Variants in TMEM108 observed in about 807,000 individuals in gnomAD.
TMEM108 encodes transmembrane protein 108.
A neutral mutation model predicts 35.1 loss-of-function variants in TMEM108; 12 were observed. That is an observed-to-expected ratio of 0.34 (90% CI 0.22 to 0.55). The LOEUF (loss-of-function observed/expected upper bound fraction) is 0.55. Ranked by LOEUF, TMEM108 falls within the 20% of genes least tolerant of loss-of-function variation. The pLI is 0.89. For missense variants in TMEM108, 680 were observed against 753.3 expected, an observed-to-expected ratio of 0.90 and a Z score of 1.14; for synonymous variants, 287 against 308.6, an observed-to-expected ratio of 0.93 and a Z score of 0.73.
chr3:133,227,893 C>CA (rs993240750), intron 2 of TMEM108, among the ~76,000 whole-genome samples: 33 of 148,988 alleles, frequency 2.2e-4, no homozygotes, highest in African/African-American at 6.2e-4. Flanking sequence ...GACTTCGTCT[C>CA]AAAAAAAAAC....
chr3:133,154,837 T>G (rs1317515525), intron 2 of TMEM108, among the ~76,000 whole-genome samples: 1 of 152,138 alleles, frequency 6.6e-6, no homozygotes, highest in South Asian at 2.1e-4. Context: ...GTTGTGTACA[T>G]GTACTGTAAA....
At chr3:133,159,683 G>A (rs887212634) in intron 2 of TMEM108, among the ~76,000 whole-genome samples, 8 of 152,114 alleles carry the variant, frequency 5.3e-5, no homozygotes, top group Non-Finnish European at 1.0e-4. Context: ...TGCATTTTGC[G>A]GATGAGGGAG....
chr3:133,144,991 G>T (rs1944696436), intron 2 of TMEM108, among the ~76,000 whole-genome samples: 1 of 152,088 alleles, frequency 6.6e-6, no homozygotes, highest in South Asian at 2.1e-4. Context: ...GTCAATGTTG[G>T]CTTTTGTTGC....
At chr3:133,313,157 C>T (rs1337434280) in intron 3 of TMEM108, among the ~76,000 whole-genome samples, 1 of 151,858 alleles carries the variant, frequency 6.6e-6, no homozygotes, top group Admixed American at 6.5e-5. Context: ...TTTGAAAATA[C>T]ATTTTCAAAA....
chr3:133,295,423 T>C (rs1290157287), intron 3 of TMEM108, among the ~76,000 whole-genome samples: 2 of 152,232 alleles, frequency 1.3e-5, no homozygotes, highest in African/African-American at 4.8e-5. Flanking sequence ...TTTCATTCTC[T>C]GTAATTGGAG....
At position 133,379,967 on chromosome 3, in the gene TMEM108, C is replaced by A; in HGVS notation, c.256C>A (p.Pro86Thr). ...TGCAGCTCCCATGGCAACACCGACA[C>A]CCCGTGCAGAGGGGCACCCTCCTAC... Reference protein sequence around the residue: ...QAAAPMATPTPRAEGHPPTHT... With the variant: ...QAAAPMATPTTRAEGHPPTHT... Residue 86 changes from proline to threonine, a missense_variant, in exon 4 of 6, where the codon CCC (proline) becomes ACC (threonine). By Grantham distance (38) the Pro-to-Thr change is conservative. Transcript: ENST00000321871. 1.2e-6 allele frequency: 2 copies of A among 1,613,982 alleles called. No homozygotes were observed. The highest frequency in any genetic ancestry group is 1.7e-6 in the Non-Finnish European group (2 of 1,179,960).
In TMEM108 at chr3:133,130,696, G is replaced by A. The variant is rs114302027; in HGVS notation, c.-47+84676G>A. 7.0e-3 allele frequency among the ~76,000 whole-genome samples: 1,061 copies of A among 152,294 alleles called. 13 individuals carry two copies. Among genetic ancestry groups the A allele is most frequent in the African/African-American group, 0.024 (988 of 41,550 alleles). On this transcript the variant is annotated intron_variant, in intron 2 of 5. Coordinates refer to ENST00000321871, the MANE Select transcript of TMEM108 (RefSeq NM_023943.4). ...TAGAAATAGATTCCATCTCTTGATA[G>A]GGAAGTGAAAAGTTTCTCACAATCT...
At chr3:133,378,604 G>A in intron 3 of TMEM108, 1 of 943,188 alleles carries the variant, frequency 1.1e-6, no homozygotes, top group Non-Finnish European at 1.3e-6. Context: ...CAGCCGTAGA[G>A]ACAGGCTCTT....
chr3:133,324,385 A>G (rs2071304353), intron 3 of TMEM108, among the ~76,000 whole-genome samples: 1 of 152,250 alleles, frequency 6.6e-6, no homozygotes, highest in South Asian at 2.1e-4. Flanking sequence ...TTTCAAAAGA[A>G]GATATACAGA....
intron 3 of TMEM108, among the ~76,000 whole-genome samples, chr3:133,305,855 A>G (rs1050633903): frequency 4.6e-5 from 7 of 152,222 alleles, no homozygotes; most frequent in Admixed American, 6.5e-5. Flanking sequence ...GCATTTTTCA[A>G]TATATTTATT....
chr3:133,354,096 C>G (rs1320116867), intron 3 of TMEM108, among the ~76,000 whole-genome samples: 2 of 152,322 alleles, frequency 1.3e-5, no homozygotes, highest in African/African-American at 4.8e-5. Flanking sequence ...TCATTTTAGA[C>G]TCCTATTTCT....
At chr3:133,101,006 T>A (rs1233842100) in intron 2 of TMEM108, among the ~76,000 whole-genome samples, 11 of 152,216 alleles carry the variant, frequency 7.2e-5, no homozygotes, top group Admixed American at 2.0e-4. Flanking sequence ...TTCCTCATTG[T>A]CACATACACA....
intron 2 of TMEM108, among the ~76,000 whole-genome samples, chr3:133,212,790 C>T (rs1161896053): frequency 6.9e-6 from 1 of 143,944 alleles, no homozygotes; most frequent in Non-Finnish European, 1.5e-5. Flanking sequence ...GGCTTGAACT[C>T]GGGCGGCGGA....
chr3:133,038,958 C>A (rs566555467), intron 1 of TMEM108, among the ~76,000 whole-genome samples: 208 of 141,082 alleles, frequency 1.5e-3, no homozygotes, highest in Non-Finnish European at 2.7e-3. Context: ...GTGCCGGCGG[C>A]CTCGCCGGGG....
chr3:133,336,917 C>T (rs1409859465), intron 3 of TMEM108, among the ~76,000 whole-genome samples: 3 of 152,084 alleles, frequency 2.0e-5, no homozygotes, highest in East Asian at 3.9e-4. Context: ...TGGCAGTACT[C>T]CCCTGTGGCC....
chr3:133,344,430 G>T (rs962580994), intron 3 of TMEM108, among the ~76,000 whole-genome samples: 1 of 151,732 alleles, frequency 6.6e-6, no homozygotes, highest in Non-Finnish European at 1.5e-5. Context: ...ATAAGTAACA[G>T]AAGGAAAGAA....
At chr3:133,192,632 G>C (rs1281985993) in intron 2 of TMEM108, 5 of 152,532 alleles carry the variant, frequency 3.3e-5, no homozygotes, top group Non-Finnish European at 5.9e-5. Context: ...ACAGCAGGAA[G>C]GGGTTTTGGA....
At chr3:133,123,155 C>T (rs1433115522) in intron 2 of TMEM108, among the ~76,000 whole-genome samples, 1 of 152,198 alleles carries the variant, frequency 6.6e-6, no homozygotes, top group Non-Finnish European at 1.5e-5. Context: ...CATCTGTTCA[C>T]ATCAGTATGT....
intron 3 of TMEM108, chr3:133,303,205 G>A (rs1947255515): frequency 2.0e-5 from 3 of 152,024 alleles, no homozygotes. Flanking sequence ...ATTATTTAGG[G>A]TTATCTATGA....
Sources: allele counts gnomAD v4.1 joint callset (sites outside exome capture counted in the v4.1 genomes callset), GRCh38; gene constraint gnomAD v4.1.1; transcripts MANE v1.5; gene names NCBI Gene and HGNC (gene_info 2026-07-23, HGNC 2026-07-21).